GPM6A: variants seen among roughly 807,000 people sequenced by gnomAD.
The protein encoded by GPM6A is neuronal membrane glycoprotein M6-a.
Under a neutral mutation model 32.1 loss-of-function variants are expected in GPM6A, and 7 were observed. That is an observed-to-expected ratio of 0.22 (90% CI 0.12 to 0.41). GPM6A has a LOEUF of 0.41. GPM6A is among the 10% of genes least tolerant of loss of function. The probability of loss-of-function intolerance (pLI) is 1.00; values close to 1 mark genes in which losing one functional copy is unlikely to be tolerated. For missense variants in GPM6A, 235 were observed against 347.2 expected, an observed-to-expected ratio of 0.68 and a Z score of 2.57; for synonymous variants, 130 against 123.4, an observed-to-expected ratio of 1.05 and a Z score of -0.35.
upstream of GPM6A, chr4:175,812,715 G>T (rs1254938644): frequency 8.1e-6 from 8 of 985,336 alleles, no homozygotes; most frequent in East Asian, 2.3e-4. Flanking sequence ...ACATGAAGCC[G>T]ACCACCAACC....
At chr4:175,966,465 G>A (rs114131148) in intron 1 of GPM6A, among the ~76,000 whole-genome samples, 7,588 of 150,272 alleles carry the variant, frequency 0.05, 619 homozygotes, top group African/African-American at 0.17. Context: ...TATATTCAGA[G>A]CCTAATCCCA....
chr4:175,826,439 T>A (rs940975636), intron 1 of GPM6A, among the ~76,000 whole-genome samples: 1 of 152,184 alleles, frequency 6.6e-6, no homozygotes, highest in African/African-American at 2.4e-5. Context: ...GCTTTTTAAA[T>A]GTAATACTAT....
At chr4:175,968,690 T>C (rs996956784) in intron 1 of GPM6A, among the ~76,000 whole-genome samples, 1 of 152,194 alleles carries the variant, frequency 6.6e-6, no homozygotes, top group African/African-American at 2.4e-5. Context: ...CTCCACATCA[T>C]ATGTCATTTA....
In GPM6A at chr4:175,651,837, A is replaced by T; in HGVS notation, c.538T>A (p.Phe180Ile). 1 of 1,612,120 alleles carries T rather than the reference A, an allele frequency of 6.2e-7. No individual in the cohort carries two copies. ...GANLCLDLRQ[F>I]GIVTIGEEKK... ...TAGAGATCCAATATCCACTTACCAAACTGACGAAGGTCCAAGCAGAGATTT... is the reference window on the plus strand; with the variant it reads ...TAGAGATCCAATATCCACTTACCAATCTGACGAAGGTCCAAGCAGAGATTT... The change falls in exon 4 of 7, where the codon TTT (phenylalanine) becomes ATT (isoleucine). Residue 180 changes from phenylalanine to isoleucine, a missense_variant. Physicochemically the swap from Phe to Ile is conservative, Grantham distance 21 (BLOSUM62 0). Transcript: ENST00000393658.
chr4:175,692,634 T>G (rs74390651), intron 2 of GPM6A, among the ~76,000 whole-genome samples: 7,159 of 152,190 alleles, frequency 0.047, 197 homozygotes, highest in Non-Finnish European at 0.063. Context: ...TAAATACATT[T>G]TAATGTTTTT....
intron 1 of GPM6A, among the ~76,000 whole-genome samples, chr4:175,799,864 C>T (rs1049698122): frequency 2.0e-5 from 3 of 151,652 alleles, no homozygotes; most frequent in Admixed American, 6.6e-5. Flanking sequence ...TTAGTAGAGA[C>T]GGGGTTTCAC....
At chr4:175,984,206 A>T (rs1740900498) in intron 1 of GPM6A, among the ~76,000 whole-genome samples, 2 of 152,158 alleles carry the variant, frequency 1.3e-5, no homozygotes, top group Admixed American at 1.3e-4. Flanking sequence ...TCTGTCACCC[A>T]AGCTAGAAGG....
intron 3 of GPM6A, among the ~76,000 whole-genome samples, chr4:175,661,719 G>A (rs1276748271): frequency 6.6e-6 from 1 of 152,098 alleles, no homozygotes; most frequent in Admixed American, 6.5e-5. Flanking sequence ...AGTGAGACAT[G>A]TTTCAGACCA....
chr4:175,734,929 G>T (rs920097461), intron 1 of GPM6A, among the ~76,000 whole-genome samples: 1 of 152,108 alleles, frequency 6.6e-6, no homozygotes, highest in Admixed American at 6.5e-5. Flanking sequence ...CCTTGAGAAT[G>T]ACTTATTTAT....
intron 1 of GPM6A, among the ~76,000 whole-genome samples, chr4:175,957,530 A>G (rs557322452): frequency 3.8e-5 from 5 of 131,894 alleles, no homozygotes; most frequent in African/African-American, 8.5e-5. Flanking sequence ...ACATGGACAC[A>G]GGGAGGGGAA....
At chr4:175,761,799 T>A (rs1732754564) in intron 1 of GPM6A, among the ~76,000 whole-genome samples, 1 of 52,898 alleles carries the variant, frequency 1.9e-5, no homozygotes, top group South Asian at 4.1e-4. Flanking sequence ...AATAATAAAC[T>A]TTTTTTTTTT....
intron 1 of GPM6A, among the ~76,000 whole-genome samples, chr4:175,975,783 T>C (rs948821595): frequency 6.6e-6 from 1 of 152,218 alleles, no homozygotes; most frequent in African/African-American, 2.4e-5. Context: ...GTAAATGTAA[T>C]CATAGAATCT....
chr4:175,971,757 T>A (rs1381193293), intron 1 of GPM6A: 4 of 152,202 alleles, frequency 2.6e-5, no homozygotes, highest in African/African-American at 9.7e-5. Flanking sequence ...CATATTTTTT[T>A]TCCAGAAAAA....
intron 1 of GPM6A, among the ~76,000 whole-genome samples, chr4:175,783,674 T>C (rs535261118): frequency 6.6e-6 from 1 of 152,130 alleles, no homozygotes; most frequent in East Asian, 1.9e-4. Context: ...AAATGGATTG[T>C]ATTTGAATTT....
chr4:175,903,216 G>A (rs2111494240), intron 1 of GPM6A, among the ~76,000 whole-genome samples: 1 of 151,964 alleles, frequency 6.6e-6, no homozygotes, highest in Non-Finnish European at 1.5e-5. Flanking sequence ...AGACACAGGA[G>A]GCTCTCATTG....
At chr4:175,915,065 C>T (rs190817628) in intron 1 of GPM6A, among the ~76,000 whole-genome samples, 191 of 151,976 alleles carry the variant, frequency 1.3e-3, no homozygotes, top group African/African-American at 4.4e-3. Context: ...TTCCCAAAGA[C>T]AGAGAAAAAT....
chr4:175,705,694 T>C (rs1323836052), intron 1 of GPM6A, among the ~76,000 whole-genome samples: 1 of 152,068 alleles, frequency 6.6e-6, no homozygotes, highest in African/African-American at 2.4e-5. Context: ...AATCACCCTT[T>C]AAGGCTGCGG....
At chr4:175,653,211 T>C (rs17392621) in intron 3 of GPM6A, among the ~76,000 whole-genome samples, 20,956 of 152,132 alleles carry the variant, frequency 0.14, 1,956 homozygotes, top group Non-Finnish European at 0.2. Flanking sequence ...ATTAAAGTTA[T>C]ATTGCGATTA....
chr4:175,876,323 A>C (rs1051419141), intron 1 of GPM6A, among the ~76,000 whole-genome samples: 1 of 152,198 alleles, frequency 6.6e-6, no homozygotes, highest in Non-Finnish European at 1.5e-5. Context: ...GAGTAATAAT[A>C]TGACTCATGC....
Sources: allele counts gnomAD v4.1 joint callset (sites outside exome capture counted in the v4.1 genomes callset), GRCh38; gene constraint gnomAD v4.1.1; transcripts MANE v1.5; gene names NCBI Gene and HGNC (gene_info 2026-07-23, HGNC 2026-07-21).